RAB38: variants seen among roughly 807,000 people sequenced by gnomAD.
RAB38 encodes ras-related protein Rab-38.
Under a neutral mutation model 18.4 loss-of-function variants are expected in RAB38, and 15 were observed. The ratio of observed to expected loss-of-function variants is 0.82; its 90% CI spans 0.55 to 1.26. The LOEUF (loss-of-function observed/expected upper bound fraction) is 1.26, where lower values mean the gene tolerates loss of function less well. RAB38 is among the 50% of genes most tolerant of loss of function. The pLI is 0.00. For synonymous variants in RAB38, 101 were observed against 104.4 expected, an observed-to-expected ratio of 0.97 and a Z score of 0.20; for missense variants, 294 against 267.4, an observed-to-expected ratio of 1.10 and a Z score of -0.69.
the RAB38 span, among the ~76,000 whole-genome samples, chr11:88,046,191 G>A: frequency 1.2e-4 from 19 of 152,010 alleles, no homozygotes; most frequent in African/African-American, 3.6e-4. Flanking sequence ...CCCGCAGCAC[G>A]CTTTAAAAGG....
At chr11:88,146,594 T>C (rs2134821868) in intron 2 of RAB38, among the ~76,000 whole-genome samples, 1 of 152,352 alleles carries the variant, frequency 6.6e-6, no homozygotes, top group South Asian at 2.1e-4. Flanking sequence ...TGTAATACTA[T>C]AGTCAGAAAG....
intron 2 of RAB38, among the ~76,000 whole-genome samples, chr11:88,144,026 A>G (rs1387136599): frequency 6.6e-6 from 1 of 152,146 alleles, no homozygotes; most frequent in Non-Finnish European, 1.5e-5. Context: ...TCAGAAAACA[A>G]TTTTCATTCT....
the RAB38 span, among the ~76,000 whole-genome samples, chr11:88,036,336 T>C: frequency 6.6e-6 from 1 of 152,234 alleles, no homozygotes; most frequent in Non-Finnish European, 1.5e-5. Context: ...GGGGAAAAAG[T>C]ATACTTATCG....
At chr11:87,926,850 C>T in the RAB38 span, among the ~76,000 whole-genome samples, 12 of 152,126 alleles carry the variant, frequency 7.9e-5, no homozygotes, top group Middle Eastern at 3.4e-3. Flanking sequence ...CTTTGCACAA[C>T]GTCACCCAAT....
chr11:87,932,340 G>A, the RAB38 span, among the ~76,000 whole-genome samples: 1 of 152,052 alleles, frequency 6.6e-6, no homozygotes, highest in African/African-American at 2.4e-5. Context: ...CAACTTAAGA[G>A]TTGTTGAGGA....
At chr11:88,167,345 A>G (rs564987921) in intron 1 of RAB38, 1 of 152,278 alleles carries the variant, frequency 6.6e-6, no homozygotes, top group Admixed American at 6.5e-5. Flanking sequence ...AGTGACAGTT[A>G]TGATGGTCGT....
the RAB38 span, among the ~76,000 whole-genome samples, chr11:88,006,992 T>G: frequency 6.6e-6 from 1 of 151,792 alleles, no homozygotes; most frequent in South Asian, 2.1e-4. Flanking sequence ...GGTTTTTGAA[T>G]CTCACAAAGA....
chr11:87,952,880 A>G, the RAB38 span, among the ~76,000 whole-genome samples: 19 of 152,210 alleles, frequency 1.2e-4, no homozygotes, highest in African/African-American at 4.1e-4. Flanking sequence ...TCAATCAATC[A>G]TAAGCTCATC....
At chr11:87,972,199 A>G in the RAB38 span, among the ~76,000 whole-genome samples, 1 of 152,084 alleles carries the variant, frequency 6.6e-6, no homozygotes, top group Non-Finnish European at 1.5e-5. Context: ...GGTGCCCCAC[A>G]CTTCAGGACG....
At chr11:87,969,612 G>A in the RAB38 span, among the ~76,000 whole-genome samples, 12 of 152,204 alleles carry the variant, frequency 7.9e-5, no homozygotes, top group East Asian at 1.4e-3. Context: ...ATAATGCAAC[G>A]TGAAGATCAA....
intron 2 of RAB38, among the ~76,000 whole-genome samples, chr11:88,140,668 G>C (rs536645337): frequency 2.0e-5 from 3 of 152,262 alleles, no homozygotes; most frequent in African/African-American, 7.2e-5. Context: ...GCACGTTCCA[G>C]GCAGGGGAAA....
At chr11:87,818,293 A>T in the RAB38 span, among the ~76,000 whole-genome samples, 8,814 of 152,272 alleles carry the variant, frequency 0.058, 361 homozygotes, top group Non-Finnish European at 0.083. Context: ...TCCTCAAACT[A>T]GTATGCCATA....
chr11:87,971,092 G>T, the RAB38 span, among the ~76,000 whole-genome samples: 1 of 152,016 alleles, frequency 6.6e-6, no homozygotes, highest in Non-Finnish European at 1.5e-5. Context: ...GCGTTGCACG[G>T]TTCTTCAATA....
At chr11:88,033,940 G>T in the RAB38 span, among the ~76,000 whole-genome samples, 54 of 151,920 alleles carry the variant, frequency 3.6e-4, no homozygotes, top group African/African-American at 1.3e-3. Context: ...TGTTAGCCAG[G>T]ATGGTCTCGA....
At chr11:87,819,770 G>GTGTA in the RAB38 span, among the ~76,000 whole-genome samples, 9 of 63,074 alleles carry the variant, frequency 1.4e-4, no homozygotes, top group African/African-American at 5.9e-4. Flanking sequence ...ATATATATGT[G>GTGTA]TATATATATA....
chr11:87,941,214 G>GATATATATATATATATATATATATAT, the RAB38 span, among the ~76,000 whole-genome samples: 144 of 62,480 alleles, frequency 2.3e-3, 5 homozygotes, highest in African/African-American at 2.9e-3. Context: ...AAATATATGA[G>GATATATATATATATATATATATATAT]ATATATATAT....
At chr11:87,939,820 A>T in the RAB38 span, among the ~76,000 whole-genome samples, 1 of 152,134 alleles carries the variant, frequency 6.6e-6, no homozygotes, top group South Asian at 2.1e-4. Flanking sequence ...TGAGCCTGGG[A>T]GGCAGAGGCT....
the RAB38 span, among the ~76,000 whole-genome samples, chr11:87,821,527 T>C: frequency 6.6e-6 from 1 of 152,148 alleles, no homozygotes; most frequent in Non-Finnish European, 1.5e-5. Flanking sequence ...AGTAAATTTG[T>C]GACTAAGTCT....
the RAB38 span, among the ~76,000 whole-genome samples, chr11:88,041,544 A>G: frequency 6.6e-6 from 1 of 152,322 alleles, no homozygotes; most frequent in East Asian, 1.9e-4. Flanking sequence ...TTATAGGTCA[A>G]TGTCTAGAGT....
Sources: gnomAD v4.1 joint callset for allele counts (sites outside exome capture counted in the v4.1 genomes callset) on GRCh38, gnomAD v4.1.1 for gene constraint, MANE v1.5 for transcripts, NCBI Gene and HGNC (gene_info 2026-07-23, HGNC 2026-07-21) for gene names.